The following SUZ12 variants were observed in gnomAD, a reference collection of about 807,000 sequenced individuals.
SUZ12 encodes the protein polycomb protein SUZ12.
In SUZ12, 17 loss-of-function variants were observed where a neutral mutation model predicts 87.3. The observed-to-expected ratio is 0.19, with a 90% confidence interval of 0.13 to 0.29. SUZ12 has a LOEUF of 0.29. Among genes scored for constraint, SUZ12 ranks in the 10% least tolerant of loss-of-function variants. The pLI is 1.00. For synonymous variants in SUZ12, 253 were observed against 312.4 expected (o/e 0.81, Z 2.01); for missense variants, 526 against 912.2 (o/e 0.58, Z 5.45).
chr17:31,937,433 G>A lies in SUZ12; in HGVS notation c.187G>A (p.Ala63Thr). The A allele has an allele frequency of 6.5e-7, 1 of 1,540,874 alleles. No individual in the cohort carries two copies. Among genetic ancestry groups the A allele is most frequent in the Non-Finnish European group, 8.7e-7 (1 of 1,144,266 alleles). The change falls in exon 1 of 16, where the codon GCG (alanine) becomes ACG (threonine). Residue 63 changes from alanine to threonine, a missense_variant. This residue lies in a region of SUZ12 where 92 missense variants were observed against 109.9 expected (regional missense o/e 0.84). Coordinates refer to ENST00000322652, the MANE Select transcript of SUZ12 (RefSeq NM_015355.4). The stretch of plus-strand genomic sequence containing the variant: ...CTCCTCCTCCTCCTCCGCGGCGGCA[G>A]CGGCGGGGGCTGCGGTGTTACCGGT... Reference protein sequence around the residue: ...SASSSSSAAAAAGAAVLPVKK... With the variant: ...SASSSSSAAATAGAAVLPVKK...
At chr17:31,990,005 A>C (rs1909633389) in intron 10 of SUZ12, among the ~76,000 whole-genome samples, 1 of 145,666 alleles carries the variant, frequency 6.9e-6, no homozygotes, top group African/African-American at 2.6e-5. Context: ...CCCAGGCTGG[A>C]GTGCAGTGGT....
At chr17:31,942,822 G>A (rs1320244328) in intron 3 of SUZ12, among the ~76,000 whole-genome samples, 2 of 152,124 alleles carry the variant, frequency 1.3e-5, no homozygotes, top group African/African-American at 4.8e-5. Flanking sequence ...TTTTGTCCTA[G>A]GTGCAAGATT....
intron 9 of SUZ12, 78 bp from the exon 10 acceptor site, chr17:31,988,242 T>C: frequency 7.3e-7 from 1 of 1,378,570 alleles, no homozygotes; most frequent in Non-Finnish European, 9.8e-7. Context: ...TGACTTATAA[T>C]GAATTTTTTT....
chr17:31,956,783 T>C (rs552502733), intron 4 of SUZ12, among the ~76,000 whole-genome samples: 1 of 151,980 alleles, frequency 6.6e-6, no homozygotes, highest in African/African-American at 2.4e-5. Flanking sequence ...TATATGTATA[T>C]ATATATATTT....
chr17:31,993,056 A>G (rs938272625), intron 10 of SUZ12, among the ~76,000 whole-genome samples, 186 bp from the exon 11 acceptor site: 3 of 152,184 alleles, frequency 2.0e-5, no homozygotes, highest in East Asian at 3.8e-4. Context: ...CCTTAACATC[A>G]GATTAGGGAT....
intron 4 of SUZ12, among the ~76,000 whole-genome samples, chr17:31,948,080 A>G (rs1906737850): frequency 6.6e-6 from 1 of 152,166 alleles, no homozygotes; most frequent in Non-Finnish European, 1.5e-5. Context: ...TTATTCTCAA[A>G]TATGAGAGGG....
At chr17:31,949,676 C>CTTTTTTTTTTTTTTTTTT (rs71360790) in intron 4 of SUZ12, among the ~76,000 whole-genome samples, 2 of 12,372 alleles carry the variant, frequency 1.6e-4, no homozygotes, top group African/African-American at 7.0e-4. Flanking sequence ...CCCCCCCCCC[C>CTTTTTTTTTTTTTTTTTT]TTTTTTTTTT....
At position 31,999,490 on chromosome 17, in the gene SUZ12, T is replaced by C. The variant is rs971686110; in HGVS notation, c.*487T>C. 8.6e-6 allele frequency: 2 copies of C among 231,290 alleles called. No homozygotes were observed. Among genetic ancestry groups the C allele is most frequent in the Non-Finnish European group, 1.7e-5 (2 of 116,948 alleles). 14.3% of individuals were successfully genotyped at this position (231,290 alleles called of 1,614,324 possible). ...ATTGAAGGATTTTTATGAAATTATA[T>C]TGCATTACTATTTGCAGTCAAACTT... On this transcript the variant is annotated 3_prime_UTR_variant, in exon 16 of 16. Coordinates refer to ENST00000322652, the MANE Select transcript of SUZ12 (RefSeq NM_015355.4).
At chr17:31,962,361 C>T (rs1368516591) in intron 4 of SUZ12, among the ~76,000 whole-genome samples, 1 of 152,154 alleles carries the variant, frequency 6.6e-6, no homozygotes. Flanking sequence ...GAGGCTGAGG[C>T]AGGTGGATCT....
chr17:31,975,186 G>A (rs529839000), intron 6 of SUZ12, among the ~76,000 whole-genome samples: 58 of 152,092 alleles, frequency 3.8e-4, no homozygotes, highest in African/African-American at 1.3e-3. Flanking sequence ...CATGCTTTTA[G>A]TTCTAAATTT....
At chr17:31,962,578 G>A (rs1310389446) in intron 4 of SUZ12, among the ~76,000 whole-genome samples, 3 of 152,154 alleles carry the variant, frequency 2.0e-5, no homozygotes, top group African/African-American at 4.8e-5. Context: ...GTGACACAAC[G>A]AGACCCTGTC....
intron 4 of SUZ12, among the ~76,000 whole-genome samples, chr17:31,957,239 GT>G (rs533701366): frequency 0.11 from 15,853 of 143,546 alleles, 1,000 homozygotes; most frequent in Middle Eastern, 0.15. Context: ...TACATTTTTT[GT>G]TTTTTTTTTT....
At chr17:31,985,789 A>T (rs1909375575) in intron 9 of SUZ12, among the ~76,000 whole-genome samples, 1 of 151,712 alleles carries the variant, frequency 6.6e-6, no homozygotes, top group Admixed American at 6.6e-5. Flanking sequence ...CAGCCTCCTG[A>T]GTAGCTGCGA....
chr17:31,969,818 G>C (rs909730078), intron 5 of SUZ12, among the ~76,000 whole-genome samples: 1 of 152,100 alleles, frequency 6.6e-6, no homozygotes, highest in Non-Finnish European at 1.5e-5. Flanking sequence ...AGGTTTGCTT[G>C]AGCCCAGGAG....
chr17:31,988,881 T>C (rs1909552286), intron 10 of SUZ12, among the ~76,000 whole-genome samples: 4 of 151,644 alleles, frequency 2.6e-5, no homozygotes, highest in Admixed American at 2.6e-4. Flanking sequence ...TCATCCTGGC[T>C]AACACGGTGA....
intron 4 of SUZ12, among the ~76,000 whole-genome samples, chr17:31,963,190 GCTGGAGTGCAGTGGCACAAT>G (rs1907844995): frequency 6.6e-6 from 1 of 152,184 alleles, no homozygotes. Flanking sequence ...TGTCGCCCAG[GCTGGAGTGCAGTGGCACAAT>G]CTTGGCTCAC....
chr17:31,981,175 A>T (rs1346801747), intron 8 of SUZ12, among the ~76,000 whole-genome samples: 1 of 152,218 alleles, frequency 6.6e-6, no homozygotes, highest in Non-Finnish European at 1.5e-5. Flanking sequence ...GTCAAAAATG[A>T]CAAGATGGGG....
intron 15 of SUZ12, among the ~76,000 whole-genome samples, chr17:31,997,687 A>AT (rs1910051403): frequency 6.7e-6 from 1 of 149,016 alleles, no homozygotes; most frequent in Non-Finnish European, 1.5e-5. Flanking sequence ...AAAAAAAAAA[A>AT]GGCCACCTTG....
chr17:31,953,230 C>A (rs1345178790), intron 4 of SUZ12, among the ~76,000 whole-genome samples: 1 of 151,802 alleles, frequency 6.6e-6, no homozygotes, highest in Admixed American at 6.6e-5. Context: ...CTCAGCTTCC[C>A]CAGTAGCTGA....
Sources: gnomAD v4.1 joint callset for allele counts (sites outside exome capture counted in the v4.1 genomes callset) on GRCh38, gnomAD v4.1.1 for gene constraint, gnomAD v4.1.1 regional missense constraint, MANE v1.5 for transcripts, NCBI Gene and HGNC (gene_info 2026-07-23, HGNC 2026-07-21) for gene names.